Variants in COL6A5 observed in about 807,000 individuals in gnomAD.
COL6A5 encodes the protein collagen type VI alpha 5 chain, also known as collagen alpha-5(VI) chain.
A neutral mutation model predicts 65.6 loss-of-function variants in COL6A5; 48 were observed. That is an observed-to-expected ratio of 0.73 (90% CI 0.58 to 0.93). COL6A5 has a LOEUF of 0.93. COL6A5 is among the 40% of genes least tolerant of loss of function. COL6A5 has a pLI of 0.00. For missense variants in COL6A5, 914 were observed against 928.3 expected (o/e 0.98, Z 0.20); for synonymous variants, 291 against 322.8 (o/e 0.90, Z 1.05).
chr3:130,411,183 A>G (rs1285598382), intron 20 of COL6A5, among the ~76,000 whole-genome samples: 3 of 152,190 alleles, frequency 2.0e-5, no homozygotes, highest in Non-Finnish European at 4.4e-5. Context: ...TTGGACTTCC[A>G]TATCTTTTTA....
exon 5 of COL6A5, chr3:130,385,359 A>G (rs1183434926): frequency 1.3e-6 from 2 of 1,548,906 alleles, no homozygotes; most frequent in East Asian, 2.4e-5. Context: ...ATCTGCGCTG[A>G]AAAAGGTAAG....
At chr3:130,470,528 A>G (rs184465580) in intron 6 of COL6A5, among the ~76,000 whole-genome samples, 1 of 150,274 alleles carries the variant, frequency 6.7e-6, no homozygotes, top group Non-Finnish European at 1.5e-5. Flanking sequence ...AAGTATAATT[A>G]AAAAAAAAAT....
chr3:130,375,711 A>G (rs556985831), intron 2 of COL6A5, among the ~76,000 whole-genome samples: 1 of 152,214 alleles, frequency 6.6e-6, no homozygotes, highest in Non-Finnish European at 1.5e-5. Context: ...AATTACAATC[A>G]TGGCAGAAGT....
chr3:130,421,024 G>A (rs572062782), intron 25 of COL6A5, 129 bp from the exon 26 acceptor site: 1 of 753,586 alleles, frequency 1.3e-6, no homozygotes, highest in African/African-American at 1.8e-5. Flanking sequence ...CAGGGTTCAA[G>A]GTCACCAATT....
intron 21 of COL6A5, 28 bp from the exon 22 acceptor site, chr3:130,414,041 C>T (rs1327561794): frequency 6.8e-7 from 1 of 1,461,326 alleles, no homozygotes; most frequent in Middle Eastern, 1.7e-4. Context: ...TGTAGAAATG[C>T]TTGACACTGG....
chr3:130,382,497 A>G (rs1357859812), intron 4 of COL6A5, among the ~76,000 whole-genome samples: 1 of 152,144 alleles, frequency 6.6e-6, no homozygotes, highest in Non-Finnish European at 1.5e-5. Context: ...TCTTTTGAGG[A>G]GCTTGTTAAT....
intron 4 of COL6A5, 140 bp from the exon 37 acceptor site, chr3:130,455,315 T>G (rs1709545573): frequency 8.3e-6 from 5 of 604,572 alleles, no homozygotes; most frequent in Non-Finnish European, 1.5e-5. Flanking sequence ...CAATGAATTA[T>G]TTGATTGAAA....
chr3:130,385,199 C>T lies in COL6A5; in HGVS notation c.1696C>T (p.Leu566=), dbSNP rs187763987. Residue 566 remains leucine, a synonymous_variant and NMD_transcript_variant, in exon 5 of 42, where the codon CTA becomes TTA. Coordinates refer to the COL6A5 transcript ENST00000312481. The stretch of plus-strand genomic sequence containing the variant: ...CAGAGTCGTGGAACCTGCTAAGAGA[C>T]TAAGGGCTGAGCAAATCACTGTTCA... 733 of 1,550,954 alleles carry T rather than the reference C, an allele frequency of 4.7e-4. 1 individual carries two copies. Among genetic ancestry groups the T allele is most frequent in the Non-Finnish European group, 5.9e-4 (676 of 1,146,522 alleles).
chr3:130,423,797 A>G (rs747484785), intron 28 of COL6A5, 41 bp from the exon 29 acceptor site: 5 of 1,445,068 alleles, frequency 3.5e-6, no homozygotes, highest in Admixed American at 4.0e-5. Context: ...CCATAGATAG[A>G]CAGTGTTGAA....
chr3:130,367,943 T>C (rs1464760051), intron 1 of COL6A5, among the ~76,000 whole-genome samples: 1 of 152,214 alleles, frequency 6.6e-6, no homozygotes, highest in Non-Finnish European at 1.5e-5. Flanking sequence ...TCTGTGGCAT[T>C]GGAATGAAGT....
intron 10 of COL6A5, 46 bp from the exon 11 acceptor site, chr3:130,400,985 T>C: frequency 1.4e-6 from 2 of 1,433,958 alleles, no homozygotes; most frequent in Non-Finnish European, 1.9e-6. Flanking sequence ...TTCTTTTTCA[T>C]GTACAACCCC....
At chr3:130,473,161 A>G (rs1302613200) in intron 7 of COL6A5, among the ~76,000 whole-genome samples, 1 of 152,054 alleles carries the variant, frequency 6.6e-6, no homozygotes, top group Non-Finnish European at 1.5e-5. Flanking sequence ...GGCCCATGTC[A>G]CTTATCTTTT....
chr3:130,391,123 C>A, intron 6 of COL6A5, 56 bp from the exon 7 acceptor site: 1 of 1,264,626 alleles, frequency 7.9e-7, no homozygotes. Flanking sequence ...CTTCTCAGCA[C>A]CCTGCGTAGA....
At chr3:130,368,773 T>C (rs1049490745) in intron 1 of COL6A5, among the ~76,000 whole-genome samples, 2 of 152,144 alleles carry the variant, frequency 1.3e-5, no homozygotes, top group African/African-American at 4.8e-5. Context: ...TAGAGTCATA[T>C]GGCACCCACA....
chr3:130,439,077 G>A, intron 1 of COL6A5, among the ~76,000 whole-genome samples: 1 of 152,118 alleles, frequency 6.6e-6, no homozygotes, highest in East Asian at 1.9e-4. Context: ...ACCCACGGAG[G>A]CCAAAGGAAG....
At chr3:130,420,423 A>G (rs1278268507) in intron 25 of COL6A5, among the ~76,000 whole-genome samples, 1 of 152,112 alleles carries the variant, frequency 6.6e-6, no homozygotes, top group African/African-American at 2.4e-5. Context: ...TGTGACCGAT[A>G]TCTTGTTACT....
At chr3:130,386,233 C>G (rs184801432) in intron 5 of COL6A5, among the ~76,000 whole-genome samples, 24 of 152,098 alleles carry the variant, frequency 1.6e-4, no homozygotes, top group African/African-American at 5.5e-4. Flanking sequence ...TTAGCCACGA[C>G]CTTGAATAAG....
In COL6A5 at chr3:130,414,134, G is replaced by A. The variant is rs531383357; in HGVS notation, c.4761+3G>A. Reference sequence around the variant, plus strand: ...CTGAAGGATTACAAGGCCCACAGGTGTGTTGGAATATTTTGTAAATATTGA... The same window carrying A: ...CTGAAGGATTACAAGGCCCACAGGTATGTTGGAATATTTTGTAAATATTGA... On this transcript the variant is annotated splice_donor_region_variant and intron_variant and NMD_transcript_variant, in intron 22 of 41. Coordinates refer to the COL6A5 transcript ENST00000312481. 1 of 1,547,174 alleles carries A rather than the reference G, an allele frequency of 6.5e-7. No individual in the cohort carries two copies. The highest frequency in any genetic ancestry group is 2.4e-5 in the East Asian group (1 of 40,874).
At chr3:130,411,475 C>G (rs1474939104) in intron 20 of COL6A5, among the ~76,000 whole-genome samples, 2 of 152,118 alleles carry the variant, frequency 1.3e-5, no homozygotes, top group Non-Finnish European at 2.9e-5. Flanking sequence ...TTTTATACCA[C>G]TTGCCTTTGT....
Sources: allele counts gnomAD v4.1 joint callset (sites outside exome capture counted in the v4.1 genomes callset), GRCh38; gene constraint gnomAD v4.1.1; transcripts MANE v1.5; gene names NCBI Gene and HGNC (gene_info 2026-07-23, HGNC 2026-07-21).